GSN: variants seen among roughly 807,000 people sequenced by gnomAD.
The protein encoded by GSN is gelsolin.
In GSN, 56 loss-of-function variants were observed where a neutral mutation model predicts 85.7. The ratio of observed to expected loss-of-function variants is 0.65; its 90% CI spans 0.53 to 0.82. The LOEUF (loss-of-function observed/expected upper bound fraction) is 0.82, where lower values mean the gene tolerates loss of function less well. GSN is among the 40% of genes least tolerant of loss of function. GSN has a pLI of 0.00. For synonymous variants in GSN, 373 were observed against 399.1 expected (o/e 0.93, Z 0.78); for missense variants, 857 against 979.8 (o/e 0.87, Z 1.67).
chr9:121,289,347 C>G (rs2058460922), intron 2 of GSN, among the ~76,000 whole-genome samples: 1 of 152,088 alleles, frequency 6.6e-6, no homozygotes, highest in South Asian at 2.1e-4. Flanking sequence ...CCCAGATCCC[C>G]TCTCTCTGAG....
chr9:121,299,298 G>A lies in GSN; in HGVS notation c.-9-2665G>A. On this transcript the variant is annotated intron_variant, in intron 2 of 17. Coordinates refer to ENST00000432226, the MANE Select transcript of GSN (RefSeq NM_198252.3). The surrounding 1 kb of genome is among the most constrained non-coding windows in gnomAD (Gnocchi z 4.2). ...GAGCCGGGTCCCCTGCCCTGCTGCG[G>A]CGCATGCTGCCTGGTGGGGGTTCTG... 1 of 985,316 alleles carries A rather than the reference G, an allele frequency of 1.0e-6. No individual in the cohort carries two copies. Among genetic ancestry groups the A allele is most frequent in the African/African-American group, 1.7e-5 (1 of 57,352 alleles). 61.0% of individuals were successfully genotyped at this position (985,316 alleles called of 1,614,324 possible).
At chr9:121,268,016 C>G (rs2055304143), upstream of GSN, 1 of 152,140 alleles carries the variant, frequency 6.6e-6, no homozygotes, top group African/African-American at 2.4e-5. Flanking sequence ...CGAAGGCGAG[C>G]TTGGAGCCAC....
chr9:121,302,115 G>T lies in GSN; in HGVS notation c.144G>T (p.Lys48Asn). 1 of 1,614,252 alleles carries T rather than the reference G, an allele frequency of 6.2e-7. No individual in the cohort carries two copies. The highest frequency in any genetic ancestry group is 8.5e-7 in the Non-Finnish European group (1 of 1,180,042). Residue 48 changes from lysine to asparagine, a missense_variant, in exon 3 of 18, where the codon AAG becomes AAT. Lys to Asn is a moderately conservative substitution (Grantham distance 94, BLOSUM62 0). Transcript: ENST00000432226. ...FFTGDAYVIL[K>N]TVQLRNGNLQ... ...CGGGCGACGCCTACGTCATCCTGAA[G>T]ACAGTGCAGCTGAGGAACGGAAATC...
chr9:121,327,383 G>A lies in GSN; in HGVS notation c.1663G>A (p.Val555Met), dbSNP rs151208452. Residue 555 changes from valine to methionine, a missense_variant, in exon 14 of 18, where the codon GTG becomes ATG. Val to Met is a conservative substitution (Grantham distance 21, BLOSUM62 1). Transcript: ENST00000432226. Reference sequence around the variant, plus strand: ...AACCCCCTCAGCCGCCTACCTGTGGGTGGGTACAGGAGCCAGCGAGGCAGA... The same window carrying A: ...AACCCCCTCAGCCGCCTACCTGTGGATGGGTACAGGAGCCAGCGAGGCAGA... ...LKTPSAAYLW[V>M]GTGASEAEKT... The A allele has an allele frequency of 1.3e-3, 2,057 of 1,613,848 alleles. 7 individuals are homozygous for A. Among genetic ancestry groups the A allele is most frequent in the South Asian group, 6.3e-3 (576 of 90,996 alleles).
rs2059583302 is a variant in GSN, at chr9:121,299,731, C to T, written c.-9-2232C>T. The T allele has an allele frequency of 4.7e-6, 5 of 1,073,024 alleles. No individual in the cohort carries two copies. The highest frequency in any genetic ancestry group is 1.7e-5 in the African/African-American group (1 of 59,488). The allele number at this position is 1,073,024 out of a possible 1,614,324, so 66.5% of individuals were successfully genotyped here. ...TGGGAACCCAGATGTCTCCAAGATC[C>T]GAGACAGATCCCCGCCCCGCGCCCT... On this transcript the variant is annotated intron_variant, in intron 2 of 17. Transcript: ENST00000432226. The surrounding 1 kb of genome is among the most constrained non-coding windows in gnomAD (Gnocchi z 4.2).
chr9:121,321,503 C>A (rs1034911997), intron 11 of GSN, 102 bp downstream of exon 11: 1 of 1,126,590 alleles, frequency 8.9e-7, no homozygotes, highest in Non-Finnish European at 1.3e-6. Flanking sequence ...GTGGGACCAC[C>A]ACTCCCTGCT....
chr9:121,218,214 C>T (rs570271845), intron 4 of GSN, among the ~76,000 whole-genome samples: 47 of 152,280 alleles, frequency 3.1e-4, no homozygotes, highest in Non-Finnish European at 5.4e-4. Context: ...AAATAAACAG[C>T]AGAGAGACCA....
rs577464737 is a variant in GSN, at chr9:121,237,812, A to G, written c.-389+6509A>G. On this transcript the variant is annotated intron_variant, in intron 5 of 24. Coordinates refer to the GSN transcript ENST00000373823. ...AAGAGACCCAGATAATGAGGACATT[A>G]TTAGGTAACTAACTATATCACTGTG... Among the ~76,000 whole-genome samples the G allele has an allele frequency of 5.3e-5, 8 of 152,376 alleles. No homozygotes were observed. In the South Asian group the frequency reaches 1.7e-3, roughly 32 times the overall value.
chr9:121,241,327 A>G (rs2054598778), intron 5 of GSN, among the ~76,000 whole-genome samples: 1 of 152,252 alleles, frequency 6.6e-6, no homozygotes, highest in Admixed American at 6.5e-5. Context: ...GCAAACAAAC[A>G]AAATCAAATC....
At chr9:121,249,549 C>T (rs1282445046) in intron 6 of GSN, among the ~76,000 whole-genome samples, 4 of 152,178 alleles carry the variant, frequency 2.6e-5, no homozygotes, top group Non-Finnish European at 5.9e-5. Flanking sequence ...TCCCAAATAA[C>T]ATGTCCTTAT....
In GSN at chr9:121,318,532, G is replaced by A; in HGVS notation, c.975+38G>A. Reference sequence around the variant, plus strand: ...GGCCAGGTAGGATGGGAAGGGGTGGGTCCTGTTTGGAGGGGATGGGCTGGA... The same window carrying A: ...GGCCAGGTAGGATGGGAAGGGGTGGATCCTGTTTGGAGGGGATGGGCTGGA... On this transcript the variant is annotated intron_variant, in intron 9 of 17. Transcript: ENST00000432226. This position sits in a 1 kb window ranked among gnomAD's most constrained non-coding sequence, Gnocchi z 4.3. The A allele has an allele frequency of 6.5e-7, 1 of 1,548,122 alleles. No homozygotes were observed. The highest frequency in any genetic ancestry group is 8.9e-7 in the Non-Finnish European group (1 of 1,119,802).
chr9:121,268,869 G>C (rs1282165139), intron 1 of GSN, among the ~76,000 whole-genome samples: 1 of 152,140 alleles, frequency 6.6e-6, no homozygotes, highest in Non-Finnish European at 1.5e-5. Flanking sequence ...ATGTCTTCTG[G>C]GGTCCAGCCC....
Position 121,302,271 on chromosome 9 carries a change from A to T in GSN, c.196+104A>T, listed in dbSNP as rs1458067722. 3.8e-6 allele frequency: 5 copies of T among 1,310,618 alleles called. No individual in the cohort carries two copies. The South Asian group carries it at 5.9e-5, about 16-fold the overall frequency. 81.2% of individuals were successfully genotyped at this position (1,310,618 alleles called of 1,614,324 possible). A position where few individuals can be genotyped will look rare whatever the true frequency, so the allele number is the denominator to read the frequency against. ...GGGAACTGATTATTGAGCACCTAGT[A>T]TGTGCTGGGCCCTTGACTGGTGGTT... On this transcript the variant is annotated intron_variant, in intron 3 of 17. Coordinates refer to ENST00000432226, the MANE Select transcript of GSN (RefSeq NM_198252.3).
chr9:121,202,437 T>C, the GSN span, among the ~76,000 whole-genome samples: 2 of 152,216 alleles, frequency 1.3e-5, no homozygotes, highest in Non-Finnish European at 2.9e-5. Flanking sequence ...TCAACTCTCT[T>C]GTCCAAGATC....
chr9:121,273,474 C>T (rs185656124), intron 1 of GSN, among the ~76,000 whole-genome samples: 1 of 152,054 alleles, frequency 6.6e-6, no homozygotes, highest in Non-Finnish European at 1.5e-5. Context: ...CTTTTCCCCC[C>T]ACCCTTATTA....
At chr9:121,266,382 G>A (rs2055204198), upstream of GSN, among the ~76,000 whole-genome samples, 1 of 152,234 alleles carries the variant, frequency 6.6e-6, no homozygotes, top group Non-Finnish European at 1.5e-5. Context: ...GCCGGGGCTT[G>A]TAATCAAAGA....
chr9:121,236,917 C>T (rs12005722), intron 5 of GSN, among the ~76,000 whole-genome samples: 4,243 of 152,304 alleles, frequency 0.028, 206 homozygotes, highest in African/African-American at 0.097. Flanking sequence ...TCTCACCTTG[C>T]CTTCAGCATC....
chr9:121,264,378 A>G (rs529037335), upstream of GSN, among the ~76,000 whole-genome samples: 16 of 152,288 alleles, frequency 1.1e-4, no homozygotes, highest in Non-Finnish European at 2.2e-4. Flanking sequence ...GCTTGAGCCC[A>G]GAGGTCAAGG....
chr9:121,304,939 G>A (rs761543808), intron 4 of GSN, among the ~76,000 whole-genome samples: 6 of 152,192 alleles, frequency 3.9e-5, no homozygotes, highest in Non-Finnish European at 5.9e-5. Context: ...TTGCCTCCAG[G>A]TGGGGTGATG....
Sources: allele counts gnomAD v4.1 joint callset (sites outside exome capture counted in the v4.1 genomes callset), GRCh38; gene constraint gnomAD v4.1.1; non-coding constraint Gnocchi (gnomAD v3.1); transcripts MANE v1.5; gene names NCBI Gene and HGNC (gene_info 2026-07-23, HGNC 2026-07-21).